Variants in NCAM2 observed in about 807,000 individuals in gnomAD.
The protein encoded by NCAM2 is N-CAM-2.
In NCAM2, 30 loss-of-function variants were observed where a neutral mutation model predicts 98.1. The observed-to-expected ratio is 0.31, with a 90% confidence interval of 0.23 to 0.41. The LOEUF is 0.41. Among genes scored for constraint, NCAM2 ranks in the 10% least tolerant of loss-of-function variants. The pLI is 1.00. For synonymous variants in NCAM2, 368 were observed against 342.4 expected, an observed-to-expected ratio of 1.07 and a Z score of -0.83; for missense variants, 867 against 1,005.8, an observed-to-expected ratio of 0.86 and a Z score of 1.87.
chr21:21,210,967 A>AACACACACACACACACACAC (rs71195310), intron 1 of NCAM2, among the ~76,000 whole-genome samples: 22 of 127,382 alleles, frequency 1.7e-4, no homozygotes, highest in African/African-American at 6.5e-4. Context: ...ACTCTCCCCA[A>AACACACACACACACACACAC]ACACACACAC....
intron 9 of NCAM2, among the ~76,000 whole-genome samples, chr21:21,388,880 G>T (rs750115383): frequency 1.3e-5 from 2 of 151,996 alleles, no homozygotes; most frequent in African/African-American, 4.8e-5. Context: ...AAAAATAAAG[G>T]ATATAAAATA....
At chr21:21,065,470 A>G (rs2065417266) in intron 1 of NCAM2, among the ~76,000 whole-genome samples, 1 of 152,220 alleles carries the variant, frequency 6.6e-6, no homozygotes, top group African/African-American at 2.4e-5. Flanking sequence ...CCCACAGTCT[A>G]AGCATCATAA....
At chr21:21,149,764 A>G (rs966682604) in intron 1 of NCAM2, among the ~76,000 whole-genome samples, 1 of 152,110 alleles carries the variant, frequency 6.6e-6, no homozygotes, top group Admixed American at 6.5e-5. Context: ...TTATGGCTGC[A>G]TAGTATTACA....
At chr21:21,012,210 A>T (rs2064224923) in intron 1 of NCAM2, among the ~76,000 whole-genome samples, 1 of 152,168 alleles carries the variant, frequency 6.6e-6, no homozygotes, top group African/African-American at 2.4e-5. Context: ...AACTAGCAGG[A>T]TTTAGAGATA....
intron 1 of NCAM2, among the ~76,000 whole-genome samples, chr21:21,276,027 A>G (rs940079415): frequency 1.3e-5 from 2 of 152,096 alleles, no homozygotes; most frequent in South Asian, 2.1e-4. Context: ...TGTTCCTTGA[A>G]CACTTCAGCC....
At chr21:21,097,502 A>G (rs896715977) in intron 1 of NCAM2, among the ~76,000 whole-genome samples, 1 of 151,816 alleles carries the variant, frequency 6.6e-6, no homozygotes, top group East Asian at 1.9e-4. Context: ...TTTTTTTAAC[A>G]GAGATACATT....
chr21:21,493,775 G>A lies in NCAM2; in HGVS notation c.2078-15076G>A, dbSNP rs538217177. ...CTTTTTACTATTTCCTAGGTTTGCC[G>A]TTTCCAGAATGTCACTTGGTCGCAA... On this transcript the variant is annotated intron_variant, in intron 15 of 17. Coordinates refer to ENST00000400546, the MANE Select transcript of NCAM2 (RefSeq NM_004540.5). Among the ~76,000 whole-genome samples, 13 of 151,808 alleles carry A rather than the reference G, an allele frequency of 8.6e-5. No homozygotes were observed. The South Asian group carries it at 1.9e-3, about 22-fold the overall frequency.
intron 11 of NCAM2, among the ~76,000 whole-genome samples, chr21:21,423,028 A>T (rs1365174571): frequency 6.6e-6 from 1 of 152,170 alleles, no homozygotes; most frequent in Non-Finnish European, 1.5e-5. Flanking sequence ...AAATATTATT[A>T]TCAAGTAATT....
intron 1 of NCAM2, among the ~76,000 whole-genome samples, chr21:21,031,892 T>G (rs1448787431): frequency 6.6e-6 from 1 of 152,198 alleles, no homozygotes. Context: ...ATGTTTTATA[T>G]TATTTCTGTG....
chr21:21,285,004 A>C (rs976917458), intron 3 of NCAM2, among the ~76,000 whole-genome samples: 4 of 151,742 alleles, frequency 2.6e-5, no homozygotes, highest in African/African-American at 9.7e-5. Context: ...GAACATTGAA[A>C]TCTGTTGACT....
intron 1 of NCAM2, among the ~76,000 whole-genome samples, chr21:21,254,644 T>G (rs1476219788): frequency 6.6e-6 from 1 of 152,188 alleles, no homozygotes; most frequent in Non-Finnish European, 1.5e-5. Context: ...GTTGGCCCTA[T>G]GATATTATGA....
chr21:21,512,799 C>G (rs557637843), intron 16 of NCAM2, among the ~76,000 whole-genome samples: 6 of 152,028 alleles, frequency 3.9e-5, no homozygotes, highest in African/African-American at 7.2e-5. Context: ...AGATGTTTTA[C>G]TTATTCACTT....
chr21:21,463,448 T>TTGCG (rs1983260483), intron 12 of NCAM2, among the ~76,000 whole-genome samples: 1 of 152,140 alleles, frequency 6.6e-6, no homozygotes, highest in Non-Finnish European at 1.5e-5. Context: ...TTGCAAAACT[T>TTGCG]ACATCAGTAG....
chr21:21,353,857 C>T (rs886966453), intron 8 of NCAM2, among the ~76,000 whole-genome samples: 1 of 152,028 alleles, frequency 6.6e-6, no homozygotes, highest in South Asian at 2.1e-4. Context: ...ATATTGTGCT[C>T]CACAAAACAA....
intron 1 of NCAM2, among the ~76,000 whole-genome samples, chr21:21,151,865 G>T (rs2067458591): frequency 6.6e-6 from 1 of 151,912 alleles, no homozygotes; most frequent in South Asian, 2.1e-4. Flanking sequence ...TGCATTAAGT[G>T]ACTTTTTTCT....
At chr21:21,455,602 A>C (rs1336991648) in intron 12 of NCAM2, among the ~76,000 whole-genome samples, 1 of 152,038 alleles carries the variant, frequency 6.6e-6, no homozygotes, top group Non-Finnish European at 1.5e-5. Context: ...AATCTTTCAA[A>C]ATAGCATTAG....
intron 1 of NCAM2, among the ~76,000 whole-genome samples, chr21:21,050,150 G>T (rs540790454): frequency 1.3e-5 from 2 of 151,540 alleles, no homozygotes; most frequent in Non-Finnish European, 2.9e-5. Context: ...AAAAAAAAAG[G>T]TTTTTCTCTT....
intron 1 of NCAM2, among the ~76,000 whole-genome samples, chr21:21,103,559 A>G (rs1003842128): frequency 2.0e-5 from 3 of 152,140 alleles, no homozygotes; most frequent in Admixed American, 2.0e-4. Flanking sequence ...TGAAATTAAG[A>G]GTTTGCACTA....
chr21:21,312,357 A>G (rs1568920761), intron 5 of NCAM2, among the ~76,000 whole-genome samples: 1 of 151,156 alleles, frequency 6.6e-6, no homozygotes, highest in Non-Finnish European at 1.5e-5. Context: ...TACTCAATAT[A>G]CTTAATATAA....
Sources: gnomAD v4.1 joint callset for allele counts (sites outside exome capture counted in the v4.1 genomes callset) on GRCh38, gnomAD v4.1.1 for gene constraint, MANE v1.5 for transcripts, NCBI Gene and HGNC (gene_info 2026-07-23, HGNC 2026-07-21) for gene names.